The following SHANK1 variants were observed in gnomAD, a reference collection of about 807,000 sequenced individuals.
SHANK1 encodes the protein SH3 and multiple ankyrin repeat domains 1.
SHANK1 carries 35 observed loss-of-function variants against 165.6 expected under a neutral mutation model. That is an observed-to-expected ratio of 0.21 (90% CI 0.16 to 0.28). The LOEUF (loss-of-function observed/expected upper bound fraction) is 0.28, where lower values mean the gene tolerates loss of function less well. Among genes scored for constraint, SHANK1 ranks in the 10% least tolerant of loss-of-function variants. The probability of loss-of-function intolerance (pLI) is 1.00; values close to 1 mark genes in which losing one functional copy is unlikely to be tolerated. For missense variants in SHANK1, 2,681 were observed against 3,036.4 expected (o/e 0.88, Z 2.75); for synonymous variants, 1,428 against 1,384.8 (o/e 1.03, Z -0.69).
At position 50,718,218 on chromosome 19, in the gene SHANK1, G is replaced by A. The variant is rs1568447549; in HGVS notation, c.-44+1188C>T. Reference sequence around the variant, plus strand: ...AGCGAGCCTCTAACCCAGGGCCGGCGGACCCCTCCCCCACGCGCGGCAGCG... The same window carrying A: ...AGCGAGCCTCTAACCCAGGGCCGGCAGACCCCTCCCCCACGCGCGGCAGCG... On this transcript the variant is annotated intron_variant, in intron 1 of 23. Coordinates refer to ENST00000293441, the MANE Select transcript of SHANK1 (RefSeq NM_016148.5). The surrounding 1 kb of genome is among the most constrained non-coding windows in gnomAD (Gnocchi z 5.1). Among the ~76,000 whole-genome samples the A allele has an allele frequency of 6.6e-6, 1 of 151,940 alleles. No individual in the cohort carries two copies. The highest frequency in any genetic ancestry group is 2.4e-5 in the African/African-American group (1 of 41,338).
Position 50,669,234 on chromosome 19 carries a change from C to T in SHANK1, c.2726G>A (p.Ser909Asn). The T allele has an allele frequency of 1.2e-6, 2 of 1,612,084 alleles. No homozygotes were observed. Among genetic ancestry groups the T allele is most frequent in the Non-Finnish European group, 1.7e-6 (2 of 1,179,176 alleles). ...PYLAPPAMKFSRSLSVPGSED... is the reference protein window; with the variant it reads ...PYLAPPAMKFNRSLSVPGSED... ...CGAACCAGGCACAGACAGGCTGCGG[C>T]TGAATTTCATGGCTGGGGGTGCTAG... is the stretch of plus-strand genomic sequence containing the variant. The change falls in exon 23 of 24, where the codon AGC (serine) becomes AAC (asparagine). Residue 909 changes from serine to asparagine, a missense_variant. By Grantham distance (46) the Ser-to-Asn change is conservative. Around this residue, in one of 10 missense-constraint regions of SHANK1, gnomAD observed 206 missense variants for 216.0 expected, o/e 0.95. Transcript: ENST00000293441.
intron 8 of SHANK1, among the ~76,000 whole-genome samples, chr19:50,709,804 G>A (rs1184449221): frequency 6.6e-6 from 1 of 152,164 alleles, no homozygotes; most frequent in Non-Finnish European, 1.5e-5. Flanking sequence ...TCCTGCCTTA[G>A]CCTCCCAAAG....
At chr19:50,712,733 AGTGCCACCCAACAGAAC>A (rs533102026) in intron 6 of SHANK1, among the ~76,000 whole-genome samples, 189 of 152,364 alleles carry the variant, frequency 1.2e-3, no homozygotes, top group South Asian at 0.012. Flanking sequence ...AGCCTGTAGC[AGTGCCACCCAACAGAAC>A]GTTTCCCCCA....
intron 8 of SHANK1, 64 bp downstream of exon 8, chr19:50,711,307 T>C: frequency 2.8e-6 from 3 of 1,077,030 alleles, no homozygotes; most frequent in Non-Finnish European, 4.2e-6. Flanking sequence ...GTGTCTGAGC[T>C]TGGCCCTGGG....
chr19:50,709,287 C>T (rs888678864), intron 8 of SHANK1, among the ~76,000 whole-genome samples: 41 of 151,618 alleles, frequency 2.7e-4, no homozygotes, highest in African/African-American at 2.9e-4. Flanking sequence ...TACAGGCGCC[C>T]GCCACCACGC....
intron 15 of SHANK1, among the ~76,000 whole-genome samples, chr19:50,694,983 G>A (rs1234595427): frequency 6.7e-6 from 1 of 149,770 alleles, no homozygotes; most frequent in Non-Finnish European, 1.5e-5. Flanking sequence ...GCTGCGGCAG[G>A]GAGCTCCCAC....
Position 50,703,815 on chromosome 19 carries a change from G to T in SHANK1, c.1238C>A (p.Ser413Tyr). 2.1e-6 allele frequency: 3 copies of T among 1,429,742 alleles called. No individual in the cohort carries two copies. The highest frequency in any genetic ancestry group is 3.0e-5 in the South Asian group (2 of 67,268). 88.6% of individuals were successfully genotyped at this position (1,429,742 alleles called of 1,614,324 possible). Residue 413 changes from serine to tyrosine, a missense_variant, in exon 11 of 24, where the codon TCC (serine) becomes TAC (tyrosine). Ser to Tyr is a moderately radical substitution (Grantham distance 144). Transcript: ENST00000293441. The part of the protein sequence containing the change: ...REQDVVPFQE[S>Y]PKYAARRRGP... Reference sequence around the variant, plus strand: ...CCGTCGCCGGGCCGCGTACTTGGGGGACTCCTGGAAGGGCACTGAGAGGGC... The same window carrying T: ...CCGTCGCCGGGCCGCGTACTTGGGGTACTCCTGGAAGGGCACTGAGAGGGC...
intron 8 of SHANK1, among the ~76,000 whole-genome samples, chr19:50,706,951 T>A (rs186232531): frequency 6.6e-6 from 1 of 152,082 alleles, no homozygotes; most frequent in Non-Finnish European, 1.5e-5. Flanking sequence ...CTAATTTTTG[T>A]ATTTTTAGTA....
intron 19 of SHANK1, 126 bp downstream of exon 19, chr19:50,687,456 T>C (rs534866863): frequency 8.0e-5 from 56 of 699,128 alleles, no homozygotes; most frequent in Non-Finnish European, 1.2e-4. Flanking sequence ...GTCCGACCCA[T>C]GGACTGGGGA....
chr19:50,695,799 C>T (rs543919617), intron 15 of SHANK1, among the ~76,000 whole-genome samples: 7 of 152,122 alleles, frequency 4.6e-5, no homozygotes, highest in Non-Finnish European at 1.0e-4. Flanking sequence ...CAACACCCCT[C>T]CCCCACCAGA....
In SHANK1 at chr19:50,660,252, G is replaced by A. The variant is rs1985150097; in HGVS notation, c.*1713C>T. Among the ~76,000 whole-genome samples the A allele has an allele frequency of 6.6e-6, 1 of 152,184 alleles. No homozygotes were observed. The highest frequency in any genetic ancestry group is 6.5e-5 in the Admixed American group (1 of 15,280). On this transcript the variant is annotated 3_prime_UTR_variant, in exon 24 of 24. Coordinates refer to ENST00000293441, the MANE Select transcript of SHANK1 (RefSeq NM_016148.5). ...GAGAGGAAGCGTGCGGGAAGGAACA[G>A]CCATGCTGGAGGGAGAGGGAGCTTC...
At chr19:50,674,158 C>T (rs531091173) in intron 21 of SHANK1, among the ~76,000 whole-genome samples, 93 of 151,514 alleles carry the variant, frequency 6.1e-4, no homozygotes, top group African/African-American at 2.2e-3. Flanking sequence ...CATTATGAAA[C>T]CTGCCTGAGG....
At position 50,661,701 on chromosome 19, in the gene SHANK1, C is replaced by T; in HGVS notation, c.*264G>A. On this transcript the variant is annotated 3_prime_UTR_variant, in exon 24 of 24. Transcript: ENST00000293441. The stretch of plus-strand genomic sequence containing the variant: ...AGGCCCTTCCCTCCTTCTCAATTCC[C>T]CTCTGTAATTTCTCCTATCCCCCCT... 1 of 515,380 alleles carries T rather than the reference C, an allele frequency of 1.9e-6. No individual in the cohort carries two copies. The allele number at this position is 515,380 out of a possible 1,614,324, so 31.9% of individuals were successfully genotyped here.
At position 50,687,970 on chromosome 19, in the gene SHANK1, A is replaced by G; in HGVS notation, c.2261T>C (p.Val754Ala). ...QGGNTLMVKV[V>A]MVTRHPDMDE... ...CATGTCCGGGTGCCTGGTGACCATC[A>G]CCACCTTCACCATCAGCGTGTTGCC... is the stretch of plus-strand genomic sequence containing the variant. Residue 754 changes from valine to alanine, a missense_variant, in exon 18 of 24, where the codon GTG becomes GCG. By Grantham distance (64) the Val-to-Ala change is moderately conservative (BLOSUM62 0). This residue lies in a region of SHANK1 where 147 missense variants were observed against 256.5 expected (regional missense o/e 0.57). Coordinates refer to ENST00000293441, the MANE Select transcript of SHANK1 (RefSeq NM_016148.5). The G allele has an allele frequency of 1.2e-6, 2 of 1,613,932 alleles. No individual in the cohort carries two copies. Among genetic ancestry groups the G allele is most frequent in the Non-Finnish European group, 1.7e-6 (2 of 1,179,940 alleles).
chr19:50,664,288 CTG>C (rs1182116049), intron 23 of SHANK1, among the ~76,000 whole-genome samples: 3 of 152,214 alleles, frequency 2.0e-5, no homozygotes, highest in Admixed American at 2.0e-4. Flanking sequence ...TCCCAACCCT[CTG>C]TGTATCTGAA....
rs1985893277 is a variant in SHANK1, at chr19:50,673,955, T to C, written c.2578-1841A>G. Among the ~76,000 whole-genome samples, 4 of 152,126 alleles carry C rather than the reference T, an allele frequency of 2.6e-5. 1 individual carries two copies. In the South Asian group the frequency reaches 8.3e-4, roughly 32 times the overall value. On this transcript the variant is annotated intron_variant, in intron 21 of 23. Transcript: ENST00000293441. ...TATAGGCAGGCACAATCACATCCAGTTAATTTTTAAATTTTTTTGCAGAGG... is the reference window on the plus strand; with the variant it reads ...TATAGGCAGGCACAATCACATCCAGCTAATTTTTAAATTTTTTTGCAGAGG...
At chr19:50,715,781 G>T in intron 3 of SHANK1, 51 bp from the exon 4 acceptor site, 1 of 1,547,554 alleles carries the variant, frequency 6.5e-7, no homozygotes. Flanking sequence ...TGGAATCAGG[G>T]GCCTGGGGAG....
intron 21 of SHANK1, among the ~76,000 whole-genome samples, chr19:50,674,696 A>G (rs1040765609): frequency 1.3e-5 from 2 of 152,072 alleles, no homozygotes; most frequent in Non-Finnish European, 2.9e-5. Context: ...AACATTAGGG[A>G]GGATCGCTTG....
At position 50,686,988 on chromosome 19, in the gene SHANK1, G is replaced by T; in HGVS notation, c.2390-176C>A. ...CCGCCGGCGGGGTCGGGAGACGGGG[G>T]CCCTCCCGCCAGTCCTGTGCCCACT... On this transcript the variant is annotated intron_variant, in intron 19 of 23. Coordinates refer to ENST00000293441, the MANE Select transcript of SHANK1 (RefSeq NM_016148.5). The surrounding 1 kb of genome is among the most constrained non-coding windows in gnomAD (Gnocchi z 5.7). 2.8e-6 allele frequency: 4 copies of T among 1,417,804 alleles called. No individual in the cohort carries two copies. The highest frequency in any genetic ancestry group is 3.7e-6 in the Non-Finnish European group (4 of 1,086,764). The allele number at this position is 1,417,804 out of a possible 1,614,324, so 87.8% of individuals were successfully genotyped here.
Sources: allele counts gnomAD v4.1 joint callset (sites outside exome capture counted in the v4.1 genomes callset), GRCh38; gene constraint gnomAD v4.1.1; regional missense constraint gnomAD v4.1.1; non-coding constraint Gnocchi (gnomAD v3.1); transcripts MANE v1.5; gene names NCBI Gene and HGNC (gene_info 2026-07-23, HGNC 2026-07-21).